The following MYRIP variants were observed in gnomAD, a reference collection of about 807,000 sequenced individuals.
MYRIP encodes the protein myosin VIIA and Rab interacting protein.
MYRIP carries 49 observed loss-of-function variants against 98.0 expected under a neutral mutation model. The observed-to-expected ratio is 0.50, with a 90% confidence interval of 0.40 to 0.63. The LOEUF is 0.63. Among genes scored for constraint, MYRIP ranks in the 30% least tolerant of loss-of-function variants. The probability of loss-of-function intolerance (pLI) is 0.00; values close to 1 mark genes in which losing one functional copy is unlikely to be tolerated. For missense variants in MYRIP, 1,004 were observed against 1,058.2 expected (o/e 0.95, Z 0.71); for synonymous variants, 404 against 409.5 (o/e 0.99, Z 0.16).
chr3:39,860,414 C>T (rs1942434507), intron 1 of MYRIP, among the ~76,000 whole-genome samples: 1 of 152,188 alleles, frequency 6.6e-6, no homozygotes, highest in South Asian at 2.1e-4. Context: ...TGCCCATTGC[C>T]CAAGGCTTGT....
At chr3:40,044,702 G>A (rs957007781) in intron 3 of MYRIP, among the ~76,000 whole-genome samples, 19 of 152,298 alleles carry the variant, frequency 1.2e-4, no homozygotes, top group African/African-American at 4.6e-4. Flanking sequence ...TAAGTGCTGG[G>A]CCTTCATATG....
Position 40,258,182 on chromosome 3 carries a change from C to T in MYRIP, c.*16C>T. 3.1e-6 allele frequency: 5 copies of T among 1,614,204 alleles called. No homozygotes were observed. The highest frequency in any genetic ancestry group is 3.4e-6 in the Non-Finnish European group (4 of 1,180,002). On this transcript the variant is annotated 3_prime_UTR_variant, in exon 17 of 17. Transcript: ENST00000302541. ...GATGTACTGACACCATGGAATTCCACTGCCAGTGACCCACTGCCTCCGGCC... is the reference window on the plus strand; with the variant it reads ...GATGTACTGACACCATGGAATTCCATTGCCAGTGACCCACTGCCTCCGGCC...
At chr3:40,243,276 G>T (rs1953083205) in intron 12 of MYRIP, among the ~76,000 whole-genome samples, 1 of 151,932 alleles carries the variant, frequency 6.6e-6, no homozygotes, top group South Asian at 2.1e-4. Flanking sequence ...ACCTGCCTTT[G>T]CTCCACCTTG....
At chr3:40,068,745 C>G (rs1338989353) in intron 3 of MYRIP, among the ~76,000 whole-genome samples, 2 of 152,162 alleles carry the variant, frequency 1.3e-5, no homozygotes, top group Non-Finnish European at 2.9e-5. Context: ...GTACATCATC[C>G]CTGGCTTCAG....
chr3:40,135,575 A>T (rs545018357), intron 3 of MYRIP, among the ~76,000 whole-genome samples: 48 of 152,298 alleles, frequency 3.2e-4, no homozygotes, highest in Middle Eastern at 6.8e-3. Flanking sequence ...CCAAGACACA[A>T]AATTGTCAGA....
chr3:39,945,963 A>G (rs1944891070), intron 2 of MYRIP, among the ~76,000 whole-genome samples: 1 of 151,814 alleles, frequency 6.6e-6, no homozygotes, highest in African/African-American at 2.4e-5. Flanking sequence ...CTCTATGGTG[A>G]TTGAGAAAAT....
intron 4 of MYRIP, among the ~76,000 whole-genome samples, chr3:40,154,317 T>C (rs143427274): frequency 2.6e-5 from 4 of 152,246 alleles, no homozygotes; most frequent in African/African-American, 9.6e-5. Flanking sequence ...ACTTGTTTTA[T>C]CAGACAAATC....
chr3:40,206,584 G>C (rs948776871), intron 10 of MYRIP, among the ~76,000 whole-genome samples: 3 of 152,098 alleles, frequency 2.0e-5, no homozygotes, highest in Admixed American at 2.0e-4. Context: ...CCAACCAGAT[G>C]AGGGCCCTTC....
chr3:40,109,680 G>A (rs1949119667), intron 3 of MYRIP, among the ~76,000 whole-genome samples: 1 of 152,154 alleles, frequency 6.6e-6, no homozygotes, highest in African/African-American at 2.4e-5. Context: ...CAAACCCTGT[G>A]TCCTTCTTCC....
intron 2 of MYRIP, among the ~76,000 whole-genome samples, chr3:39,935,501 C>T (rs1334527336): frequency 1.3e-5 from 2 of 152,118 alleles, no homozygotes; most frequent in East Asian, 3.9e-4. Context: ...CAGGAAGCAA[C>T]AGGAAAGCTA....
intron 2 of MYRIP, among the ~76,000 whole-genome samples, chr3:39,967,451 T>A (rs529499611): frequency 6.6e-6 from 1 of 152,320 alleles, no homozygotes; most frequent in South Asian, 2.1e-4. Flanking sequence ...TATTTCATGG[T>A]ACATATGTAC....
At chr3:40,120,415 T>C (rs944294260) in intron 3 of MYRIP, among the ~76,000 whole-genome samples, 6 of 152,144 alleles carry the variant, frequency 3.9e-5, no homozygotes, top group Admixed American at 6.5e-5. Context: ...AAATTGTACA[T>C]AATTTTGATA....
chr3:40,067,538 G>A (rs1270806389), intron 3 of MYRIP, among the ~76,000 whole-genome samples: 1 of 152,142 alleles, frequency 6.6e-6, no homozygotes, highest in Non-Finnish European at 1.5e-5. Context: ...GGGTTCTGTT[G>A]AGTGGCAACA....
chr3:40,217,574 AAAC>A (rs1221005374), intron 11 of MYRIP, among the ~76,000 whole-genome samples: 1 of 152,172 alleles, frequency 6.6e-6, no homozygotes, highest in African/African-American at 2.4e-5. Context: ...AACAGCTGAT[AAAC>A]AACCATTTCT....
intron 3 of MYRIP, among the ~76,000 whole-genome samples, chr3:40,145,080 G>T (rs188249488): frequency 6.6e-6 from 1 of 152,110 alleles, no homozygotes; most frequent in African/African-American, 2.4e-5. Context: ...CTGATAAGTT[G>T]GTTATTGTCA....
intron 2 of MYRIP, among the ~76,000 whole-genome samples, chr3:39,962,779 G>A (rs1469390409): frequency 6.6e-6 from 1 of 152,064 alleles, no homozygotes; most frequent in Non-Finnish European, 1.5e-5. Flanking sequence ...TGTGGGCTGT[G>A]ACTTAGAATC....
Position 40,190,335 on chromosome 3 carries a change from C to A in MYRIP, c.1537C>A (p.Pro513Thr). 6.2e-7 allele frequency: 1 copy of A among 1,613,898 alleles called. No individual in the cohort carries two copies. Among genetic ancestry groups the A allele is most frequent in the Non-Finnish European group, 8.5e-7 (1 of 1,179,934 alleles). The stretch of plus-strand genomic sequence containing the variant: ...CAGGGAGACCTCGGACAGCAGCGAG[C>A]CGGAGGAGGCCCCCCACACCACAGA... ...ASRETSDSSE[P>T]EEAPHTTDRR... Residue 513 changes from proline to threonine, a missense_variant, in exon 10 of 17, where the codon CCG (proline) becomes ACG (threonine). Physicochemically the swap from Pro to Thr is conservative, Grantham distance 38. This residue lies in a region of MYRIP where 880 missense variants were observed against 907.7 expected (regional missense o/e 0.97). Transcript: ENST00000302541.
At chr3:40,144,171 G>A (rs1344746699) in intron 3 of MYRIP, among the ~76,000 whole-genome samples, 2 of 152,358 alleles carry the variant, frequency 1.3e-5, no homozygotes, top group South Asian at 4.1e-4. Context: ...TCCAGGGATT[G>A]CCTTCAGGCT....
At chr3:39,862,578 T>C (rs950285628) in intron 1 of MYRIP, among the ~76,000 whole-genome samples, 2 of 152,216 alleles carry the variant, frequency 1.3e-5, no homozygotes, top group Non-Finnish European at 2.9e-5. Flanking sequence ...AAGGGCTCCA[T>C]TCAACAAGAA....
Sources: allele counts gnomAD v4.1 joint callset (sites outside exome capture counted in the v4.1 genomes callset), GRCh38; gene constraint gnomAD v4.1.1; regional missense constraint gnomAD v4.1.1; transcripts MANE v1.5; gene names NCBI Gene and HGNC (gene_info 2026-07-23, HGNC 2026-07-21).